Variants in FHIT observed in about 807,000 individuals in gnomAD.
The protein encoded by FHIT is bis(5'-adenosyl)-triphosphatase.
A neutral mutation model predicts 17.9 loss-of-function variants in FHIT; 19 were observed. The observed-to-expected ratio is 1.06, with a 90% CI of 0.74 to 1.56. The LOEUF (loss-of-function observed/expected upper bound fraction) is 1.56, where lower values mean the gene tolerates loss of function less well. Ranked by LOEUF, FHIT falls within the 40% of genes most tolerant of loss-of-function variation. The pLI is 0.00. For synonymous variants in FHIT, 81 were observed against 69.7 expected, an observed-to-expected ratio of 1.16 and a Z score of -0.81; for missense variants, 248 against 189.2, an observed-to-expected ratio of 1.31 and a Z score of -1.82.
At chr3:60,915,952 C>G (rs185992648) in intron 3 of FHIT, among the ~76,000 whole-genome samples, 2 of 152,220 alleles carry the variant, frequency 1.3e-5, no homozygotes, top group East Asian at 3.9e-4. Flanking sequence ...TGTTAATGAT[C>G]TCTGTACCCT....
At chr3:60,350,885 T>C (rs1376026135) in intron 5 of FHIT, among the ~76,000 whole-genome samples, 4 of 152,210 alleles carry the variant, frequency 2.6e-5, no homozygotes, top group East Asian at 1.9e-4. Context: ...AAACTCCATC[T>C]TGCTAGCAAA....
chr3:59,945,411 G>C (rs1706750852), intron 7 of FHIT, among the ~76,000 whole-genome samples: 1 of 152,042 alleles, frequency 6.6e-6, no homozygotes, highest in Non-Finnish European at 1.5e-5. Flanking sequence ...TATAGAGTCT[G>C]AATCTTATAC....
intron 5 of FHIT, among the ~76,000 whole-genome samples, chr3:60,118,944 G>T (rs927941005): frequency 2.7e-5 from 4 of 150,912 alleles, no homozygotes; most frequent in Admixed American, 1.3e-4. Context: ...TCACTTAAAC[G>T]TGGGAGGCGG....
At chr3:60,632,673 A>T (rs2039476817) in intron 4 of FHIT, among the ~76,000 whole-genome samples, 1 of 152,186 alleles carries the variant, frequency 6.6e-6, no homozygotes, top group South Asian at 2.1e-4. Flanking sequence ...CTAATTCCAA[A>T]AATCATGGGA....
At chr3:60,553,257 T>C (rs1004240871) in intron 4 of FHIT, 9 of 222,210 alleles carry the variant, frequency 4.1e-5, no homozygotes, top group Non-Finnish European at 6.8e-5. Flanking sequence ...TTTTTTTTAA[T>C]CAGTTAGCCT....
chr3:60,455,042 A>G (rs2107384765), intron 5 of FHIT, among the ~76,000 whole-genome samples: 1 of 152,278 alleles, frequency 6.6e-6, no homozygotes. Flanking sequence ...GAGTACCTTG[A>G]GAATATATAT....
At chr3:60,760,080 C>T (rs1699589265) in intron 4 of FHIT, among the ~76,000 whole-genome samples, 1 of 150,410 alleles carries the variant, frequency 6.6e-6, no homozygotes, top group South Asian at 2.1e-4. Context: ...TCTCTCTTTC[C>T]TTCCTTTGTT....
At chr3:59,981,109 G>A (rs1708635543) in intron 7 of FHIT, among the ~76,000 whole-genome samples, 1 of 152,036 alleles carries the variant, frequency 6.6e-6, no homozygotes, top group Non-Finnish European at 1.5e-5. Flanking sequence ...CTGGGTCCAT[G>A]GAGAAATAAG....
chr3:61,178,008 G>A (rs1315507977), intron 2 of FHIT, among the ~76,000 whole-genome samples: 1 of 152,152 alleles, frequency 6.6e-6, no homozygotes, highest in African/African-American at 2.4e-5. Flanking sequence ...TCTGGATGGT[G>A]TTTAAATGAG....
chr3:59,973,686 C>G (rs147065827), intron 7 of FHIT, among the ~76,000 whole-genome samples: 36 of 152,162 alleles, frequency 2.4e-4, no homozygotes, highest in African/African-American at 8.4e-4. Flanking sequence ...AGATTTTGTT[C>G]AACATTTCAT....
At chr3:61,188,158 A>G (rs1240499152) in intron 2 of FHIT, among the ~76,000 whole-genome samples, 2 of 152,142 alleles carry the variant, frequency 1.3e-5, no homozygotes, top group South Asian at 2.1e-4. Flanking sequence ...TTTTTTGAAA[A>G]GATCAACAAA....
chr3:60,595,621 G>A (rs2682965), intron 4 of FHIT, among the ~76,000 whole-genome samples: 120,812 of 145,852 alleles, frequency 0.83, 49,985 homozygotes, highest in Non-Finnish European at 0.89. Flanking sequence ...ATGTGTGTAT[G>A]TATATATGTG....
In FHIT at chr3:60,133,203, C is replaced by T. The variant is rs569586241; in HGVS notation, c.104-119051G>A. The stretch of plus-strand genomic sequence containing the variant: ...CTGGTGCTGATGAAGGAGGGCTATA[C>T]CCCAAGCCTGGGAATCTGGAAATCT... On this transcript the variant is annotated intron_variant, in intron 5 of 9. Transcript: ENST00000492590. 4.6e-5 allele frequency among the ~76,000 whole-genome samples: 7 copies of T among 152,180 alleles called. No homozygotes were observed. The East Asian group carries it at 1.4e-3, about 29-fold the overall frequency.
intron 5 of FHIT, among the ~76,000 whole-genome samples, chr3:60,318,913 TG>T (rs1051193305): frequency 1.3e-5 from 2 of 152,186 alleles, no homozygotes; most frequent in African/African-American, 4.8e-5. Flanking sequence ...CAGCTTCTAG[TG>T]GCTGCCTATA....
chr3:60,942,481 T>C (rs1360676113), intron 3 of FHIT, among the ~76,000 whole-genome samples: 3 of 152,180 alleles, frequency 2.0e-5, no homozygotes, highest in Non-Finnish European at 2.9e-5. Flanking sequence ...AAGTTATTCA[T>C]GGTATATTCT....
At chr3:59,933,841 T>C (rs752060398) in intron 7 of FHIT, among the ~76,000 whole-genome samples, 4 of 152,114 alleles carry the variant, frequency 2.6e-5, no homozygotes, top group Non-Finnish European at 5.9e-5. Flanking sequence ...CATCTGCAGA[T>C]AGCAGGGGAA....
chr3:60,945,086 G>A (rs9990004), intron 3 of FHIT, among the ~76,000 whole-genome samples: 1 of 151,948 alleles, frequency 6.6e-6, no homozygotes, highest in South Asian at 2.1e-4. Flanking sequence ...GATGATGAGG[G>A]AGGAGGAAAG....
intron 2 of FHIT, among the ~76,000 whole-genome samples, chr3:61,047,925 T>C (rs1275396111): frequency 3.4e-5 from 5 of 146,508 alleles, no homozygotes; most frequent in African/African-American, 1.2e-4. Context: ...TAGCCATATG[T>C]AGAAAGCTGA....
At chr3:60,487,774 CAG>C (rs1576744986) in intron 5 of FHIT, among the ~76,000 whole-genome samples, 1 of 152,120 alleles carries the variant, frequency 6.6e-6, no homozygotes, top group African/African-American at 2.4e-5. Context: ...CTTGACAAGT[CAG>C]AGATGATGAA....
Sources: allele counts gnomAD v4.1 joint callset (sites outside exome capture counted in the v4.1 genomes callset), GRCh38; gene constraint gnomAD v4.1.1; transcripts MANE v1.5; gene names NCBI Gene and HGNC (gene_info 2026-07-23, HGNC 2026-07-21).